SLC13A5: variants seen among roughly 807,000 people sequenced by gnomAD.
SLC13A5 encodes the protein solute carrier family 13 member 5.
In SLC13A5, 25 loss-of-function variants were observed where a neutral mutation model predicts 56.5. The ratio of observed to expected loss-of-function variants is 0.44; its 90% CI spans 0.32 to 0.62. The LOEUF (loss-of-function observed/expected upper bound fraction) is 0.62. SLC13A5 is among the 20% of genes least tolerant of loss of function. SLC13A5 has a pLI of 0.04. For missense variants in SLC13A5, 649 were observed against 737.8 expected (o/e 0.88, Z 1.39); for synonymous variants, 307 against 301.5 (o/e 1.02, Z -0.19).
At chr17:6,694,053 G>C in intron 8 of SLC13A5, 44 bp downstream of exon 8, 1 of 1,380,330 alleles carries the variant, frequency 7.2e-7, no homozygotes, top group Non-Finnish European at 1.0e-6. Context: ...TTTGGTTCCA[G>C]GGCTCCAGTC....
At chr17:6,703,226 T>A (rs1379176401) in intron 4 of SLC13A5, 88 bp from the exon 5 acceptor site, 1 of 1,518,804 alleles carries the variant, frequency 6.6e-7, no homozygotes, top group East Asian at 2.3e-5. Context: ...GACCTGAGGA[T>A]TGGGAAATCC....
In SLC13A5 at chr17:6,687,482, C is replaced by T. The variant is rs764132313; in HGVS notation, c.1575+47G>A. On this transcript the variant is annotated intron_variant, in intron 11 of 11. Transcript: ENST00000433363. The surrounding 1 kb of genome is among the most constrained non-coding windows in gnomAD (Gnocchi z 5.0). ...TTCATAAATGGGGCATCCCTTATGA[C>T]AACAGCGTTATAGTCCGACGGGAGT... 7.5e-6 allele frequency: 12 copies of T among 1,608,072 alleles called. No individual in the cohort carries two copies. The highest frequency in any genetic ancestry group is 1.0e-5 in the Non-Finnish European group (12 of 1,178,018).
intron 7 of SLC13A5, 56 bp from the exon 8 acceptor site, chr17:6,694,253 A>G (rs1973499250): frequency 2.0e-6 from 2 of 1,022,920 alleles, no homozygotes; most frequent in South Asian, 1.3e-5. Context: ...CAACAAACCC[A>G]TCACAACTCC....
chr17:6,692,290 CGGAT>C lies in SLC13A5; in HGVS notation c.1275+750_1275+753del, dbSNP rs756927129. ...ATGGATGGATGGACGGATGGACGGA[CGGAT>C]GGATGGATGAAGACATGAATAGATG... is the stretch of plus-strand genomic sequence containing the variant. On this transcript the variant is annotated intron_variant, in intron 9 of 11. Transcript: ENST00000433363. This position sits in a 1 kb window ranked among gnomAD's most constrained non-coding sequence, Gnocchi z 5.5. 3.2e-3 allele frequency among the ~76,000 whole-genome samples: 475 copies of C among 149,116 alleles called. No individual in the cohort carries two copies. The highest frequency in any genetic ancestry group is 5.1e-3 in the Non-Finnish European group (343 of 67,518).
rs748877090 is a variant in SLC13A5 at position 6,693,153 on chromosome 17, G to A, written c.1166C>T (p.Thr389Ile). ...FRSQTEEERK[T>I]PFYPPPLLDW... ...CAGCAGGGGAGGGGGATAAAATGGA[G>A]TTTTCCTTTCTGGGAAGAAAAAGAA... The change falls in exon 9 of 12, where the codon ACT becomes ATT. Residue 389 changes from threonine to isoleucine, a missense_variant. Coordinates refer to ENST00000433363, the MANE Select transcript of SLC13A5 (RefSeq NM_177550.5). The A allele has an allele frequency of 3.8e-6, 6 of 1,580,318 alleles. No individual in the cohort carries two copies. The highest frequency in any genetic ancestry group is 5.2e-6 in the Non-Finnish European group (6 of 1,161,092).
At chr17:6,686,644 T>C in intron 11 of SLC13A5, 1 of 338,034 alleles carries the variant, frequency 3.0e-6, no homozygotes. Context: ...CAGAGCCCAG[T>C]GTTCCGTGAG....
At position 6,713,330 on chromosome 17, in the gene SLC13A5, C is replaced by T. The variant is rs146396085; in HGVS notation, c.4G>A (p.Ala2Thr). The change falls in exon 1 of 12, where the codon GCC becomes ACC. Residue 2 changes from alanine (A) to threonine (T), a missense_variant. Transcript: ENST00000433363. The surrounding 1 kb of genome is among the most constrained non-coding windows in gnomAD (Gnocchi z 7.3). ...TTGGAGACATAGCTCAGCGCCGAGGCCATCGCGCGGGAGGGAGACTGGCGG... is the reference window on the plus strand; with the variant it reads ...TTGGAGACATAGCTCAGCGCCGAGGTCATCGCGCGGGAGGGAGACTGGCGG... The part of the protein sequence containing the change: M[A>T]SALSYVSKFK... 45 of 1,613,598 alleles carry T rather than the reference C, an allele frequency of 2.8e-5. No homozygotes were observed. In the African/African-American group the frequency reaches 3.3e-4, roughly 12 times the overall value.
chr17:6,711,830 C>T lies in SLC13A5; in HGVS notation c.102+1402G>A, dbSNP rs1331142038. Among the ~76,000 whole-genome samples, 1 of 152,146 alleles carries T rather than the reference C, an allele frequency of 6.6e-6. No individual in the cohort carries two copies. The highest frequency in any genetic ancestry group is 2.4e-5 in the African/African-American group (1 of 41,420). ...AGAGCTGAAATCGCAGCTCTCCTGCCTGGCTACTTCCCCTGGACAATAACA... is the reference window on the plus strand; with the variant it reads ...AGAGCTGAAATCGCAGCTCTCCTGCTTGGCTACTTCCCCTGGACAATAACA... On this transcript the variant is annotated intron_variant, in intron 1 of 11. Coordinates refer to ENST00000433363, the MANE Select transcript of SLC13A5 (RefSeq NM_177550.5). This position sits in a 1 kb window ranked among gnomAD's most constrained non-coding sequence, Gnocchi z 4.0.
At position 6,701,195 on chromosome 17, in the gene SLC13A5, G is replaced by T; in HGVS notation, c.717-69C>A. 1 of 1,594,630 alleles carries T rather than the reference G, an allele frequency of 6.3e-7. No individual in the cohort carries two copies. Among genetic ancestry groups the T allele is most frequent in the Non-Finnish European group, 8.5e-7 (1 of 1,170,134 alleles). ...GAGCCAGCCTGGCCCTGTGCGTGGG[G>T]ACGGAGCAGCAGCTGGGCCCTGAGA... is the stretch of plus-strand genomic sequence containing the variant. On this transcript the variant is annotated intron_variant, in intron 5 of 11. Coordinates refer to ENST00000433363, the MANE Select transcript of SLC13A5 (RefSeq NM_177550.5). The surrounding 1 kb of genome is among the most constrained non-coding windows in gnomAD (Gnocchi z 4.1).
intron 3 of SLC13A5, chr17:6,704,728 T>G (rs1403681092): frequency 6.0e-6 from 1 of 167,532 alleles, no homozygotes; most frequent in Non-Finnish European, 1.3e-5. Flanking sequence ...CCCTGCTCCC[T>G]TCTCTGCTGT....
intron 9 of SLC13A5, 80 bp from the exon 10 acceptor site, chr17:6,691,020 C>T: frequency 6.7e-7 from 1 of 1,482,542 alleles, no homozygotes; most frequent in East Asian, 2.3e-5. Flanking sequence ...TTGGCCCATC[C>T]TCCCCTCCCG....
chr17:6,710,502 C>T lies in SLC13A5; in HGVS notation c.102+2730G>A, dbSNP rs182596157. Among the ~76,000 whole-genome samples, 438 of 152,216 alleles carry T rather than the reference C, an allele frequency of 2.9e-3. 1 individual carries two copies. Among genetic ancestry groups the T allele is most frequent in the Non-Finnish European group, 4.5e-3 (308 of 68,000 alleles). ...GCGTGCGTCACCAATGTACACTGTGCGTTCCTGGAGGAGTCAAGCAGACCC... is the reference window on the plus strand; with the variant it reads ...GCGTGCGTCACCAATGTACACTGTGTGTTCCTGGAGGAGTCAAGCAGACCC... On this transcript the variant is annotated intron_variant, in intron 1 of 11. Transcript: ENST00000433363.
chr17:6,706,591 GC>G, intron 3 of SLC13A5, 50 bp downstream of exon 3: 3 of 1,596,992 alleles, frequency 1.9e-6, no homozygotes, highest in Non-Finnish European at 2.6e-6. Context: ...CCCCCTTCCA[GC>G]CCTGGGGCTC....
Position 6,700,138 on chromosome 17 carries a change from C to T in SLC13A5, c.839+866G>A, listed in dbSNP as rs968708961. Among the ~76,000 whole-genome samples the T allele has an allele frequency of 3.9e-5, 6 of 152,196 alleles. No homozygotes were observed. The East Asian group carries it at 1.2e-3, about 29-fold the overall frequency. ...TAACTCAGAGCTGAGTACTTTCTAT[C>T]CTGGTGTGGCCTGATCACCTTTGCA... On this transcript the variant is annotated intron_variant, in intron 6 of 11. Coordinates refer to ENST00000433363, the MANE Select transcript of SLC13A5 (RefSeq NM_177550.5).
intron 1 of SLC13A5, among the ~76,000 whole-genome samples, chr17:6,707,784 G>C (rs1187266500): frequency 6.6e-6 from 1 of 150,422 alleles, no homozygotes; most frequent in Non-Finnish European, 1.5e-5. Flanking sequence ...TGGTCGAATG[G>C]ATACTGGAGA....
chr17:6,702,250 A>C (rs1973734089), intron 5 of SLC13A5, among the ~76,000 whole-genome samples: 1 of 152,142 alleles, frequency 6.6e-6, no homozygotes, highest in African/African-American at 2.4e-5. Flanking sequence ...CAATTAGTAC[A>C]TTTATGTACC....
At chr17:6,697,587 A>G (rs187820773) in intron 6 of SLC13A5, among the ~76,000 whole-genome samples, 12 of 152,364 alleles carry the variant, frequency 7.9e-5, no homozygotes, top group South Asian at 4.1e-4. Flanking sequence ...CTCCTGCAGC[A>G]GAACAGCCTT....
At position 6,693,069 on chromosome 17, in the gene SLC13A5, C is replaced by T. The variant is rs892282390; in HGVS notation, c.1250G>A (p.Gly417Glu). Residue 417 changes from glycine (G) to glutamate (E), a missense_variant, in exon 9 of 12, where the codon GGA becomes GAA. Transcript: ENST00000433363. Reference protein sequence around the residue: ...PWGIVLLLGGGFALAKGSEAS... With the variant: ...PWGIVLLLGGEFALAKGSEAS... ...CTCGGATCCTTTAGCCAGAGCAAAT[C>T]CGCCCCCTAGTAGCAGCACGATGCC... 5 of 1,614,092 alleles carry T rather than the reference C, an allele frequency of 3.1e-6. No homozygotes were observed. Among genetic ancestry groups the T allele is most frequent in the East Asian group, 2.2e-5 (1 of 44,872 alleles).
At chr17:6,703,756 A>C in intron 4 of SLC13A5, 122 bp downstream of exon 4, 1 of 974,206 alleles carries the variant, frequency 1.0e-6, no homozygotes, top group Non-Finnish European at 1.5e-6. Flanking sequence ...TTTTTTCTCT[A>C]TGCGTGTTTA....
Sources: gnomAD v4.1 joint callset for allele counts (sites outside exome capture counted in the v4.1 genomes callset) on GRCh38, gnomAD v4.1.1 for gene constraint, Gnocchi (gnomAD v3.1) non-coding constraint, MANE v1.5 for transcripts, NCBI Gene and HGNC (gene_info 2026-07-23, HGNC 2026-07-21) for gene names.